Variants in TAFA2 observed in about 807,000 individuals in gnomAD.
TAFA2 encodes chemokine-like protein TAFA-2.
In TAFA2, 7 loss-of-function variants were observed where a neutral mutation model predicts 18.8. That is an observed-to-expected ratio of 0.37 (90% confidence interval 0.21 to 0.70). The LOEUF (loss-of-function observed/expected upper bound fraction) is 0.70, where lower values mean the gene tolerates loss of function less well. Ranked by LOEUF, TAFA2 falls within the 30% of genes least tolerant of loss-of-function variation. The probability of loss-of-function intolerance (pLI) is 0.53; values close to 1 mark genes in which losing one functional copy is unlikely to be tolerated. For synonymous variants in TAFA2, 60 were observed against 54.2 expected (o/e 1.11, Z -0.47); for missense variants, 122 against 158.1 (o/e 0.77, Z 1.23).
chr12:61,896,955 T>A (rs935016742), intron 1 of TAFA2, among the ~76,000 whole-genome samples: 2 of 152,166 alleles, frequency 1.3e-5, no homozygotes, highest in African/African-American at 4.8e-5. Flanking sequence ...TAATATCTTA[T>A]CTCTATTGAG....
intron 2 of TAFA2, among the ~76,000 whole-genome samples, chr12:61,792,176 G>A (rs1224074750): frequency 6.6e-6 from 1 of 151,528 alleles, no homozygotes; most frequent in Non-Finnish European, 1.5e-5. Flanking sequence ...TCTTACAGAA[G>A]TAGTGAATAG....
At chr12:62,096,002 T>C (rs993806994) in intron 1 of TAFA2, among the ~76,000 whole-genome samples, 10 of 152,104 alleles carry the variant, frequency 6.6e-5, no homozygotes, top group Non-Finnish European at 1.5e-4. Context: ...AAGACTGATA[T>C]TAGCAAAACA....
chr12:61,880,826 C>T, intron 1 of TAFA2: 1 of 298,152 alleles, frequency 3.4e-6, no homozygotes, highest in Non-Finnish European at 6.6e-6. Context: ...CCCCAGAGCC[C>T]ATGAGAGAGG....
intron 1 of TAFA2, among the ~76,000 whole-genome samples, chr12:62,107,392 T>C (rs1346268944): frequency 2.0e-5 from 3 of 152,178 alleles, no homozygotes. Flanking sequence ...TGGCTTCTAC[T>C]CTATTTTTCC....
intron 1 of TAFA2, among the ~76,000 whole-genome samples, chr12:62,009,590 CA>C (rs1441586923): frequency 2.6e-5 from 4 of 152,144 alleles, no homozygotes; most frequent in Admixed American, 1.3e-4. Context: ...TTGGCTTTAT[CA>C]GATATAAAAA....
chr12:61,715,585 C>T (rs918858277), intron 4 of TAFA2, among the ~76,000 whole-genome samples: 1 of 151,780 alleles, frequency 6.6e-6, no homozygotes, highest in African/African-American at 2.4e-5. Context: ...ATCTCTCGAC[C>T]TCGTTATCCG....
intron 1 of TAFA2, among the ~76,000 whole-genome samples, chr12:61,877,240 T>C (rs990623991): frequency 6.6e-6 from 1 of 152,130 alleles, no homozygotes; most frequent in Non-Finnish European, 1.5e-5. Context: ...ATCTCACTTT[T>C]TTACTCTTTC....
chr12:61,901,986 T>C (rs958917777), intron 1 of TAFA2, among the ~76,000 whole-genome samples: 11 of 151,464 alleles, frequency 7.3e-5, no homozygotes, highest in African/African-American at 2.4e-4. Flanking sequence ...TATGACTTTA[T>C]AGGACTTAGC....
In TAFA2 at chr12:61,809,840, C is replaced by T. The variant is rs140283547; in HGVS notation, c.107-54816G>A. Among the ~76,000 whole-genome samples, 986 of 151,368 alleles carry T rather than the reference C, an allele frequency of 6.5e-3. 55 individuals carry two copies. The highest frequency in any genetic ancestry group is 0.023 in the African/African-American group (924 of 40,696). ...TCTCAGCTTTAACAGCCACCCCTAA[C>T]ATCGAAAGGGAAATCTCAATACCTC... is the stretch of plus-strand genomic sequence containing the variant. On this transcript the variant is annotated intron_variant, in intron 2 of 4. Coordinates refer to ENST00000416284, the MANE Select transcript of TAFA2 (RefSeq NM_178539.5).
intron 1 of TAFA2, among the ~76,000 whole-genome samples, chr12:61,869,825 C>A (rs957337488): frequency 6.6e-6 from 1 of 152,092 alleles, no homozygotes; most frequent in African/African-American, 2.4e-5. Context: ...TACATTTTTT[C>A]AACCATCCTG....
At chr12:61,911,550 G>A (rs771798926) in intron 1 of TAFA2, among the ~76,000 whole-genome samples, 11 of 152,184 alleles carry the variant, frequency 7.2e-5, no homozygotes, top group Non-Finnish European at 1.3e-4. Flanking sequence ...TTGTCAGGCT[G>A]AGGAACAGGC....
At chr12:62,097,263 G>A (rs910113598) in intron 1 of TAFA2, among the ~76,000 whole-genome samples, 2 of 152,078 alleles carry the variant, frequency 1.3e-5, no homozygotes, top group African/African-American at 4.8e-5. Flanking sequence ...TGAGGGGGAA[G>A]GATAGAAAGG....
chr12:62,067,157 G>A (rs1353005734), intron 1 of TAFA2, among the ~76,000 whole-genome samples: 6 of 151,774 alleles, frequency 4.0e-5, no homozygotes, highest in Non-Finnish European at 1.5e-5. Context: ...TTTTTAATTG[G>A]GTTATTTGAT....
At chr12:61,954,855 G>A (rs533142009) in intron 1 of TAFA2, among the ~76,000 whole-genome samples, 9 of 152,114 alleles carry the variant, frequency 5.9e-5, no homozygotes, top group Admixed American at 2.6e-4. Flanking sequence ...CTTCGACTTC[G>A]GGAACTTTTT....
At chr12:62,035,991 C>T (rs1268555487) in intron 1 of TAFA2, among the ~76,000 whole-genome samples, 1 of 151,880 alleles carries the variant, frequency 6.6e-6, no homozygotes, top group Non-Finnish European at 1.5e-5. Flanking sequence ...CCGCCCGTCT[C>T]GGCCTCCCAA....
At chr12:61,744,056 A>G (rs1268484918) in intron 4 of TAFA2, among the ~76,000 whole-genome samples, 1 of 152,114 alleles carries the variant, frequency 6.6e-6, no homozygotes, top group African/African-American at 2.4e-5. Context: ...AGGAATGCTT[A>G]CCTTTAAACA....
chr12:61,938,115 CT>C (rs1877846218), intron 1 of TAFA2, among the ~76,000 whole-genome samples: 1 of 151,524 alleles, frequency 6.6e-6, no homozygotes, highest in Non-Finnish European at 1.5e-5. Flanking sequence ...CCACCTTACC[CT>C]GTATGAATGG....
intron 2 of TAFA2, among the ~76,000 whole-genome samples, chr12:61,780,188 A>G (rs1870445808): frequency 6.6e-6 from 1 of 151,842 alleles, no homozygotes. Context: ...CAGGTAGTGA[A>G]GCAGGATAAA....
At chr12:61,763,267 GA>G (rs755445270) in intron 2 of TAFA2, among the ~76,000 whole-genome samples, 2 of 151,968 alleles carry the variant, frequency 1.3e-5, no homozygotes, top group Non-Finnish European at 2.9e-5. Context: ...AAAAGAAAAT[GA>G]AATTTTGGGG....
Sources: allele counts gnomAD v4.1 joint callset (sites outside exome capture counted in the v4.1 genomes callset), GRCh38; gene constraint gnomAD v4.1.1; transcripts MANE v1.5; gene names NCBI Gene and HGNC (gene_info 2026-07-23, HGNC 2026-07-21).